The following LHFPL2 variants were observed in gnomAD, a reference collection of about 807,000 sequenced individuals.
The protein encoded by LHFPL2 is LHFPL tetraspan subfamily member 2 protein.
Under a neutral mutation model 17.5 loss-of-function variants are expected in LHFPL2, and 7 were observed. The observed-to-expected ratio is 0.40, with a 90% CI of 0.23 to 0.75. The LOEUF (loss-of-function observed/expected upper bound fraction) is 0.75. Among genes scored for constraint, LHFPL2 ranks in the 30% least tolerant of loss-of-function variants. The probability of loss-of-function intolerance (pLI) is 0.37; values close to 1 mark genes in which losing one functional copy is unlikely to be tolerated. For missense variants in LHFPL2, 241 were observed against 294.8 expected (o/e 0.82, Z 1.34); for synonymous variants, 134 against 116.2 (o/e 1.15, Z -0.99).
rs1023322073 is a variant in LHFPL2, at chr5:78,648,544, C to T, written c.-395G>A. 12 of 152,102 alleles carry T rather than the reference C, an allele frequency of 7.9e-5. No homozygotes were observed. Among genetic ancestry groups the T allele is most frequent in the African/African-American group, 2.7e-4 (11 of 41,426 alleles). 9.4% of individuals were successfully genotyped at this position (152,102 alleles called of 1,614,324 possible). A position where few individuals can be genotyped will look rare whatever the true frequency, so the allele number is the denominator to read the frequency against. ...CCGGCTCCGAGCCCGCAGCCTTCCC[C>T]AAGTCAGGGCTTTCAGTGACGCCTC... On this transcript the variant is annotated 5_prime_UTR_variant, in exon 1 of 5. Transcript: ENST00000380345. This position sits in a 1 kb window ranked among gnomAD's most constrained non-coding sequence, Gnocchi z 5.4.
chr5:78,532,092 T>C (rs1755801165), intron 3 of LHFPL2, among the ~76,000 whole-genome samples: 1 of 152,002 alleles, frequency 6.6e-6, no homozygotes, highest in African/African-American at 2.4e-5. Flanking sequence ...ACCCAGCTAA[T>C]TTTGTATTTT....
At chr5:78,579,502 C>A (rs6893252) in intron 2 of LHFPL2, among the ~76,000 whole-genome samples, 3,332 of 152,236 alleles carry the variant, frequency 0.022, 117 homozygotes, top group African/African-American at 0.077. Flanking sequence ...CTTCCCCGAC[C>A]CCACAACAGG....
chr5:78,514,005 G>C (rs1462005436), intron 3 of LHFPL2, among the ~76,000 whole-genome samples: 1 of 152,194 alleles, frequency 6.6e-6, no homozygotes, highest in Non-Finnish European at 1.5e-5. Context: ...GTCCCAGTTT[G>C]GCTAGGTGCA....
Position 78,648,308 on chromosome 5 carries a change from G to T in LHFPL2, c.-350+191C>A, listed in dbSNP as rs1396478216. On this transcript the variant is annotated intron_variant, in intron 1 of 4. Coordinates refer to ENST00000380345, the MANE Select transcript of LHFPL2 (RefSeq NM_005779.3). This position sits in a 1 kb window ranked among gnomAD's most constrained non-coding sequence, Gnocchi z 5.4. ...ATTCCCAGCACCCAACGCCCATCCC[G>T]CAGCACCTCCGACCGCTCGGCGCGG... Among the ~76,000 whole-genome samples the T allele has an allele frequency of 1.3e-5, 2 of 152,016 alleles. No individual in the cohort carries two copies. Among genetic ancestry groups the T allele is most frequent in the Non-Finnish European group, 1.5e-5 (1 of 67,954 alleles).
At chr5:78,513,928 C>A (rs755392389) in intron 3 of LHFPL2, among the ~76,000 whole-genome samples, 3 of 152,206 alleles carry the variant, frequency 2.0e-5, no homozygotes, top group Non-Finnish European at 4.4e-5. Context: ...AAGCAAAGTT[C>A]TCAGGGTGGC....
intron 1 of LHFPL2, among the ~76,000 whole-genome samples, chr5:78,639,541 C>T (rs1375657152): frequency 6.6e-6 from 1 of 151,928 alleles, no homozygotes. Context: ...CCTGAAAGGC[C>T]CACTGTAAGA....
rs780360886 is a variant in LHFPL2 at position 78,489,094 on chromosome 5, T to C, written c.490A>G (p.Ile164Val). 2 of 1,614,096 alleles carry C rather than the reference T, an allele frequency of 1.2e-6. No individual in the cohort carries two copies. Among genetic ancestry groups the C allele is most frequent in the Admixed American group, 1.7e-5 (1 of 60,008 alleles). The change falls in exon 5 of 5, where the codon ATA becomes GTA. Residue 164 changes from isoleucine (I) to valine (V), a missense_variant. Ile to Val is a conservative substitution (Grantham distance 29, BLOSUM62 3). Transcript: ENST00000380345. The stretch of plus-strand genomic sequence containing the variant: ...GATGCATAATGTCCACAGTAGTCTA[T>C]GGCCTTCTGGCAACCCCAGCCAGCA... The part of the protein sequence containing the change: ...YPAGWGCQKA[I>V]DYCGHYASAY...
At chr5:78,493,177 T>C (rs1484791934) in intron 4 of LHFPL2, among the ~76,000 whole-genome samples, 2 of 152,232 alleles carry the variant, frequency 1.3e-5, no homozygotes, top group Non-Finnish European at 2.9e-5. Context: ...GCAAGATCAG[T>C]GACTTGGGTG....
chr5:78,489,249 A>AAGGGCATCTATT, intron 4 of LHFPL2, 96 bp from the exon 5 acceptor site: 1 of 1,396,094 alleles, frequency 7.2e-7, no homozygotes. Flanking sequence ...TGCTTTGGGC[A>AAGGGCATCTATT]AGGGCATCTA....
intron 3 of LHFPL2, among the ~76,000 whole-genome samples, chr5:78,544,951 T>C (rs1756226688): frequency 6.6e-6 from 1 of 152,176 alleles, no homozygotes; most frequent in Non-Finnish European, 1.5e-5. Flanking sequence ...TTCATCTGCA[T>C]TGTAATCCCA....
intron 3 of LHFPL2, among the ~76,000 whole-genome samples, chr5:78,552,763 T>C (rs344652): frequency 0.18 from 26,805 of 152,214 alleles, 2,755 homozygotes; most frequent in East Asian, 0.47. Flanking sequence ...GTTGGAATGA[T>C]AGAAAATATA....
chr5:78,490,888 C>G (rs1392457900), intron 4 of LHFPL2, among the ~76,000 whole-genome samples: 2 of 152,174 alleles, frequency 1.3e-5, no homozygotes, highest in African/African-American at 4.8e-5. Flanking sequence ...AATATCAATT[C>G]TATCCTGGTG....
chr5:78,575,063 A>T (rs565056987), intron 2 of LHFPL2, among the ~76,000 whole-genome samples: 62 of 152,254 alleles, frequency 4.1e-4, no homozygotes, highest in African/African-American at 1.4e-3. Context: ...ACTGCTTCCT[A>T]ATCCTGTGTT....
intron 1 of LHFPL2, among the ~76,000 whole-genome samples, chr5:78,636,964 TAAAC>T (rs1745470851): frequency 6.6e-6 from 1 of 151,938 alleles, no homozygotes; most frequent in African/African-American, 2.4e-5. Context: ...GGCCAAGAAA[TAAAC>T]AGGCAAGGGT....
intron 2 of LHFPL2, among the ~76,000 whole-genome samples, chr5:78,611,501 C>T (rs1027337447): frequency 2.6e-5 from 4 of 152,128 alleles, no homozygotes; most frequent in South Asian, 2.1e-4. Context: ...CAGGAAGTCC[C>T]GCCAGAATCC....
chr5:78,529,740 A>G (rs867428078), intron 3 of LHFPL2, among the ~76,000 whole-genome samples: 45 of 152,376 alleles, frequency 3.0e-4, no homozygotes, highest in African/African-American at 1.1e-3. Flanking sequence ...GAATTTTTGC[A>G]ATATTAGAGA....
At chr5:78,544,688 C>T (rs1413004163) in intron 3 of LHFPL2, among the ~76,000 whole-genome samples, 1 of 151,912 alleles carries the variant, frequency 6.6e-6, no homozygotes, top group African/African-American at 2.4e-5. Context: ...AAGGTCAGGC[C>T]ACCTTGGTGG....
chr5:78,533,937 C>T (rs977244310), intron 3 of LHFPL2, among the ~76,000 whole-genome samples: 3 of 152,226 alleles, frequency 2.0e-5, no homozygotes, highest in Non-Finnish European at 4.4e-5. Context: ...GAGGCCTGAG[C>T]CCTCCTGCAG....
At chr5:78,584,066 T>A (rs1743268156) in intron 2 of LHFPL2, among the ~76,000 whole-genome samples, 1 of 152,082 alleles carries the variant, frequency 6.6e-6, no homozygotes, top group Admixed American at 6.6e-5. Flanking sequence ...TTCTTCCAGT[T>A]GATCGCATCG....
Sources: allele counts gnomAD v4.1 joint callset (sites outside exome capture counted in the v4.1 genomes callset), GRCh38; gene constraint gnomAD v4.1.1; non-coding constraint Gnocchi (gnomAD v3.1); transcripts MANE v1.5; gene names NCBI Gene and HGNC (gene_info 2026-07-23, HGNC 2026-07-21).